SEMA5A: variants seen among roughly 807,000 people sequenced by gnomAD.
SEMA5A encodes semaphorin 5A.
Under a neutral mutation model 135.5 loss-of-function variants are expected in SEMA5A, and 55 were observed. The ratio of observed to expected loss-of-function variants is 0.41; its 90% CI spans 0.33 to 0.51. The LOEUF is 0.51. Among genes scored for constraint, SEMA5A ranks in the 20% least tolerant of loss-of-function variants. The probability of loss-of-function intolerance (pLI) is 0.37; values close to 1 mark genes in which losing one functional copy is unlikely to be tolerated. For missense variants in SEMA5A, 1,290 were observed against 1,419.9 expected (o/e 0.91, Z 1.47); for synonymous variants, 580 against 546.5 (o/e 1.06, Z -0.85).
At chr5:9,121,300 T>C (rs959938660) in intron 14 of SEMA5A, among the ~76,000 whole-genome samples, 2 of 152,152 alleles carry the variant, frequency 1.3e-5, no homozygotes, top group South Asian at 4.1e-4. Context: ...TCACATAAAG[T>C]AAACAGAGAT....
At chr5:9,206,976 T>A (rs538679747) in intron 8 of SEMA5A, among the ~76,000 whole-genome samples, 23 of 148,196 alleles carry the variant, frequency 1.6e-4, no homozygotes, top group African/African-American at 5.6e-4. Flanking sequence ...CCAGCCTGAC[T>A]TTGGCAAGTG....
At chr5:9,265,312 T>C (rs1749626775) in intron 5 of SEMA5A, 1 of 397,902 alleles carries the variant, frequency 2.5e-6, no homozygotes, top group Non-Finnish European at 5.1e-6. Context: ...ATAACCTCCT[T>C]ATTAGAAGGA....
At chr5:9,209,894 A>G (rs1746249831) in intron 8 of SEMA5A, among the ~76,000 whole-genome samples, 2 of 152,240 alleles carry the variant, frequency 1.3e-5, no homozygotes, top group Admixed American at 6.5e-5. Flanking sequence ...GATGCTTTTA[A>G]GAAGGAAAGG....
chr5:9,307,852 C>T (rs1164917496), intron 5 of SEMA5A, among the ~76,000 whole-genome samples: 2 of 152,130 alleles, frequency 1.3e-5, no homozygotes, highest in African/African-American at 2.4e-5. Flanking sequence ...TATTGGATTA[C>T]ATAAATTGCC....
chr5:9,528,610 G>A (rs140269745), intron 1 of SEMA5A, among the ~76,000 whole-genome samples: 7 of 152,208 alleles, frequency 4.6e-5, no homozygotes, highest in Non-Finnish European at 7.4e-5. Flanking sequence ...TTCCAGTATC[G>A]AAGCCCATGC....
chr5:9,544,881 C>CGGAA (rs1738296075), intron 1 of SEMA5A, among the ~76,000 whole-genome samples: 1 of 152,228 alleles, frequency 6.6e-6, no homozygotes, highest in African/African-American at 2.4e-5. Context: ...GAAACCATTC[C>CGGAA]CTCTGGAGCC....
chr5:9,134,289 G>A (rs541780299), intron 13 of SEMA5A, among the ~76,000 whole-genome samples: 76 of 152,174 alleles, frequency 5.0e-4, no homozygotes, highest in South Asian at 1.5e-3. Flanking sequence ...GGAACTACAC[G>A]TATGCACCAT....
intron 15 of SEMA5A, among the ~76,000 whole-genome samples, chr5:9,110,109 G>A (rs1213943238): frequency 6.6e-6 from 1 of 152,172 alleles, no homozygotes; most frequent in Admixed American, 6.5e-5. Context: ...AATGGAAAGA[G>A]TAAAGCACGA....
intron 8 of SEMA5A, among the ~76,000 whole-genome samples, chr5:9,210,858 G>T (rs150078459): frequency 6.6e-6 from 1 of 152,120 alleles, no homozygotes; most frequent in Non-Finnish European, 1.5e-5. Context: ...TAGCTACTGC[G>T]ACTCTTCCTT....
intron 5 of SEMA5A, among the ~76,000 whole-genome samples, chr5:9,306,190 T>A (rs1427564590): frequency 6.6e-6 from 1 of 152,236 alleles, no homozygotes; most frequent in African/African-American, 2.4e-5. Context: ...CTTTCATCAC[T>A]TTGGAAAAGT....
At chr5:9,410,717 G>A (rs1757073761) in intron 2 of SEMA5A, among the ~76,000 whole-genome samples, 1 of 152,056 alleles carries the variant, frequency 6.6e-6, no homozygotes, top group Non-Finnish European at 1.5e-5. Flanking sequence ...TAGGAGGTGG[G>A]GGTGAGGGGA....
chr5:9,516,595 CA>C (rs1275507269), intron 1 of SEMA5A: 1 of 152,216 alleles, frequency 6.6e-6, no homozygotes, highest in African/African-American at 2.4e-5. Context: ...AGAGACACGA[CA>C]GTTTGTGTGG....
intron 5 of SEMA5A, among the ~76,000 whole-genome samples, chr5:9,304,651 G>C (rs1394699143): frequency 6.6e-6 from 1 of 151,976 alleles, no homozygotes; most frequent in Non-Finnish European, 1.5e-5. Context: ...GCTGTTTCTT[G>C]ATATTTTCAG....
Position 9,038,181 on chromosome 5 carries a change from C to G in SEMA5A, c.*4716G>C, listed in dbSNP as rs1263621068. ...GCCATCTGTAAACTCCAGTTTGTAC[C>G]ATATCATAAGTGGTGAAGAATTTGC... is the stretch of plus-strand genomic sequence containing the variant. On this transcript the variant is annotated 3_prime_UTR_variant, in exon 23 of 23. Coordinates refer to ENST00000382496, the MANE Select transcript of SEMA5A (RefSeq NM_003966.3). The G allele has an allele frequency of 1.3e-5, 2 of 152,186 alleles. No homozygotes were observed. Among genetic ancestry groups the G allele is most frequent in the Non-Finnish European group, 2.9e-5 (2 of 68,046 alleles). 9.4% of individuals were successfully genotyped at this position (152,186 alleles called of 1,614,324 possible).
At position 9,197,159 on chromosome 5, in the gene SEMA5A, G is replaced by GA. The variant is rs759335410; in HGVS notation, c.1068+8dup. On this transcript the variant is annotated intron_variant, in intron 10 of 22. Transcript: ENST00000382496. ...TGCCAACAGTGCCCCTTTGCCCCCC[G>GA]AAAATTACCTGGAAGTGGGGGTTTG... 1 of 1,614,136 alleles carries GA rather than the reference G, an allele frequency of 6.2e-7. No individual in the cohort carries two copies. Among genetic ancestry groups the GA allele is most frequent in the Non-Finnish European group, 8.5e-7 (1 of 1,180,002 alleles).
rs556181816 is a variant in SEMA5A, at chr5:9,178,466, G to A, written c.1273+11801C>T. 1.1e-4 allele frequency among the ~76,000 whole-genome samples: 17 copies of A among 151,552 alleles called. No individual in the cohort carries two copies. The East Asian group carries it at 1.4e-3, about 12-fold the overall frequency. Reference sequence around the variant, plus strand: ...CCTGCCTCAGCTTCCTGAGTATCTCGGATCACAGGCACATGCCCCCACACC... The same window carrying A: ...CCTGCCTCAGCTTCCTGAGTATCTCAGATCACAGGCACATGCCCCCACACC... On this transcript the variant is annotated intron_variant, in intron 11 of 22. Transcript: ENST00000382496.
At chr5:9,289,275 CTGATT>C (rs1561111743) in intron 5 of SEMA5A, among the ~76,000 whole-genome samples, 1 of 152,214 alleles carries the variant, frequency 6.6e-6, no homozygotes, top group East Asian at 1.9e-4. Context: ...ATGTTATAGT[CTGATT>C]TAACAAAACT....
intron 5 of SEMA5A, among the ~76,000 whole-genome samples, chr5:9,291,408 TC>T (rs1413356672): frequency 1.3e-5 from 2 of 152,104 alleles, no homozygotes; most frequent in African/African-American, 4.8e-5. Flanking sequence ...ACCGAAGAGC[TC>T]CTTTGCCAGT....
At chr5:9,434,433 T>C (rs927332718) in intron 2 of SEMA5A, among the ~76,000 whole-genome samples, 1 of 152,110 alleles carries the variant, frequency 6.6e-6, no homozygotes, top group Non-Finnish European at 1.5e-5. Context: ...ACTTTAAAAA[T>C]TTTTTTAATT....
Sources: allele counts gnomAD v4.1 joint callset (sites outside exome capture counted in the v4.1 genomes callset), GRCh38; gene constraint gnomAD v4.1.1; transcripts MANE v1.5; gene names NCBI Gene and HGNC (gene_info 2026-07-23, HGNC 2026-07-21).